The following CDK5RAP2 variants were observed in gnomAD, a reference collection of about 807,000 sequenced individuals.
CDK5RAP2 encodes CDK5 regulatory subunit associated protein 2.
A neutral mutation model predicts 232.9 loss-of-function variants in CDK5RAP2; 147 were observed. That is an observed-to-expected ratio of 0.63 (90% CI 0.55 to 0.72). The LOEUF (loss-of-function observed/expected upper bound fraction) is 0.72, where lower values mean the gene tolerates loss of function less well. Ranked by LOEUF, CDK5RAP2 falls within the 30% of genes least tolerant of loss-of-function variation. The pLI, the probability that CDK5RAP2 is intolerant of heterozygous loss-of-function variation, is 0.00. For missense variants in CDK5RAP2, 2,195 were observed against 2,231.5 expected, an observed-to-expected ratio of 0.98 and a Z score of 0.33; for synonymous variants, 833 against 833.7, an observed-to-expected ratio of 1.00 and a Z score of 0.01.
Position 120,416,580 on chromosome 9 carries a change from T to C in CDK5RAP2, c.4178-1421A>G, listed in dbSNP as rs549848002. On this transcript the variant is annotated intron_variant, in intron 27 of 37. Transcript: ENST00000349780. ...AATTCTATATTACATTTTAACATAA[T>C]ACTTAATAATACACAACATTTTAAA... Among the ~76,000 whole-genome samples, 8 of 152,312 alleles carry C rather than the reference T, an allele frequency of 5.3e-5. 1 individual carries two copies. The South Asian group carries it at 1.7e-3, about 32-fold the overall frequency.
At chr9:120,486,924 T>A (rs1231248015) in intron 14 of CDK5RAP2, among the ~76,000 whole-genome samples, 3 of 152,138 alleles carry the variant, frequency 2.0e-5, no homozygotes, top group African/African-American at 7.2e-5. Flanking sequence ...AAAATGAGAT[T>A]GGAAACTTGA....
chr9:120,392,826 T>C (rs1457440881), intron 36 of CDK5RAP2, among the ~76,000 whole-genome samples: 2 of 152,220 alleles, frequency 1.3e-5, no homozygotes, highest in East Asian at 1.9e-4. Flanking sequence ...CCCACAGTCC[T>C]GACCCACTGC....
At chr9:120,551,565 T>C (rs966665443) in intron 3 of CDK5RAP2, among the ~76,000 whole-genome samples, 1 of 152,224 alleles carries the variant, frequency 6.6e-6, no homozygotes, top group African/African-American at 2.4e-5. Flanking sequence ...CTTTAACCTG[T>C]ATCTAATCAA....
chr9:120,470,711 C>T (rs758859031), intron 16 of CDK5RAP2, among the ~76,000 whole-genome samples: 1 of 150,996 alleles, frequency 6.6e-6, no homozygotes, highest in Non-Finnish European at 1.5e-5. Context: ...GCAGAAAGTG[C>T]CTGCTAGTGC....
chr9:120,427,495 G>A (rs181815420), intron 25 of CDK5RAP2, among the ~76,000 whole-genome samples: 7 of 152,298 alleles, frequency 4.6e-5, no homozygotes, highest in Admixed American at 4.6e-4. Context: ...ACTCCAGTCT[G>A]TCTGACTCCA....
intron 16 of CDK5RAP2, among the ~76,000 whole-genome samples, chr9:120,470,632 A>G (rs958844674): frequency 2.0e-5 from 3 of 151,918 alleles, no homozygotes; most frequent in African/African-American, 7.3e-5. Flanking sequence ...AAGGGAGATA[A>G]AAGTGTCTGA....
At chr9:120,556,746 G>A (rs1302849418) in intron 3 of CDK5RAP2, among the ~76,000 whole-genome samples, 1 of 152,048 alleles carries the variant, frequency 6.6e-6, no homozygotes, top group African/African-American at 2.4e-5. Flanking sequence ...ACAATTTTAT[G>A]ACTGAATAAA....
At chr9:120,540,592 A>G (rs1478513819) in intron 5 of CDK5RAP2, among the ~76,000 whole-genome samples, 1 of 152,254 alleles carries the variant, frequency 6.6e-6, no homozygotes, top group Non-Finnish European at 1.5e-5. Flanking sequence ...ATGGAATTCA[A>G]TGTGAACAAC....
At chr9:120,519,158 A>T (rs2416757) in intron 11 of CDK5RAP2, among the ~76,000 whole-genome samples, 14,953 of 151,330 alleles carry the variant, frequency 0.099, 974 homozygotes, top group East Asian at 0.28. Context: ...TGGGTGACAG[A>T]GCGAGACTCC....
intron 1 of CDK5RAP2, among the ~76,000 whole-genome samples, chr9:120,576,969 G>A (rs1447087705): frequency 2.0e-5 from 3 of 152,078 alleles, no homozygotes; most frequent in Admixed American, 6.5e-5. Context: ...ACTACAACAC[G>A]CATGAACCTT....
chr9:120,461,735 G>A (rs1449307686), intron 18 of CDK5RAP2, among the ~76,000 whole-genome samples: 5 of 152,118 alleles, frequency 3.3e-5, no homozygotes, highest in African/African-American at 4.8e-5. Flanking sequence ...CCAGCTACTC[G>A]GGAGACTGAG....
chr9:120,514,404 A>T (rs1369196269), intron 12 of CDK5RAP2, among the ~76,000 whole-genome samples: 1 of 152,166 alleles, frequency 6.6e-6, no homozygotes, highest in Non-Finnish European at 1.5e-5. Context: ...GCCAAGGCAC[A>T]ATAAGCATGT....
intron 2 of CDK5RAP2, among the ~76,000 whole-genome samples, chr9:120,571,157 C>CA (rs1564391458): frequency 6.6e-6 from 1 of 151,950 alleles, no homozygotes; most frequent in African/African-American, 2.4e-5. Flanking sequence ...GACCATGTCT[C>CA]AAAAAAATAA....
At chr9:120,552,584 A>C (rs943924617) in intron 3 of CDK5RAP2, among the ~76,000 whole-genome samples, 2 of 151,800 alleles carry the variant, frequency 1.3e-5, no homozygotes, top group Non-Finnish European at 2.9e-5. Context: ...TCAGCAAACT[A>C]TCGCAAGGAT....
At chr9:120,461,898 T>C (rs1000755796) in intron 18 of CDK5RAP2, among the ~76,000 whole-genome samples, 6 of 152,208 alleles carry the variant, frequency 3.9e-5, no homozygotes, top group African/African-American at 1.4e-4. Flanking sequence ...CCACAGAGTA[T>C]TGGGTCATTT....
At position 120,439,777 on chromosome 9, in the gene CDK5RAP2, TTC is replaced by T; in HGVS notation, c.3342_3343del (p.Lys1115AsnfsTer3). On this transcript the variant is annotated frameshift_variant, in exon 24 of 38. Coordinates refer to ENST00000349780, the MANE Select transcript of CDK5RAP2 (RefSeq NM_018249.6). LOFTEE classifies it high-confidence loss of function. ...CAGCTCAGTTTCCAAGTCATGGATT[TTC>T]TGTTTTAAGTATTCTGTCTCATTTG... The T allele has an allele frequency of 6.2e-7, 1 of 1,614,174 alleles. No homozygotes were observed. The highest frequency in any genetic ancestry group is 1.1e-5 in the South Asian group (1 of 91,084).
chr9:120,456,118 G>C (rs766097846), intron 20 of CDK5RAP2, among the ~76,000 whole-genome samples: 3 of 152,146 alleles, frequency 2.0e-5, no homozygotes, highest in Non-Finnish European at 4.4e-5. Flanking sequence ...ATGAAACTGG[G>C]ACAGAAAATT....
intron 4 of CDK5RAP2, among the ~76,000 whole-genome samples, chr9:120,547,154 A>G (rs2132035045): frequency 6.6e-6 from 1 of 151,920 alleles, no homozygotes; most frequent in Admixed American, 6.6e-5. Context: ...ACGCCCAGCT[A>G]ATTTTTTGTA....
intron 3 of CDK5RAP2, among the ~76,000 whole-genome samples, chr9:120,567,905 TA>T (rs2042704120): frequency 2.6e-5 from 4 of 152,172 alleles, no homozygotes; most frequent in Admixed American, 2.6e-4. Flanking sequence ...ATGGGAATGA[TA>T]CAAAATATCT....
Sources: gnomAD v4.1 joint callset for allele counts (sites outside exome capture counted in the v4.1 genomes callset) on GRCh38, gnomAD v4.1.1 for gene constraint, MANE v1.5 for transcripts, NCBI Gene and HGNC (gene_info 2026-07-23, HGNC 2026-07-21) for gene names.